CASTOR2: variants seen among roughly 807,000 people sequenced by gnomAD.
CASTOR2 encodes the protein GATS protein like 2.
In CASTOR2, 8 loss-of-function variants were observed where a neutral mutation model predicts 31.2. The observed-to-expected ratio is 0.26, with a 90% confidence interval of 0.15 to 0.46. The LOEUF is 0.46. Ranked by LOEUF, CASTOR2 falls within the 20% of genes least tolerant of loss-of-function variation. CASTOR2 has a pLI of 0.99. For missense variants in CASTOR2, 216 were observed against 382.1 expected (o/e 0.57, Z 3.62); for synonymous variants, 162 against 158.7 (o/e 1.02, Z -0.16).
chr7:75,023,202 G>A (rs1805046434), intron 7 of CASTOR2, among the ~76,000 whole-genome samples: 2 of 152,120 alleles, frequency 1.3e-5, no homozygotes, highest in African/African-American at 4.8e-5. Context: ...CAGCTACTTG[G>A]GAGGCTGAGG....
rs1805233167 is a variant in CASTOR2 at position 75,029,355 on chromosome 7, G to C, written c.*4656G>C. On this transcript the variant is annotated 3_prime_UTR_variant, in exon 9 of 9. Transcript: ENST00000616305. ...GCAAGAGCACCTCAGCCCTGCAATG[G>C]GGGGATCTTTTTTTTTTTTTTTTTT... Among the ~76,000 whole-genome samples the C allele has an allele frequency of 6.7e-6, 1 of 149,360 alleles. No homozygotes were observed. Among genetic ancestry groups the C allele is most frequent in the African/African-American group, 2.5e-5 (1 of 40,334 alleles).
chr7:75,020,182 A>G (rs1236657071), intron 6 of CASTOR2, 33 bp downstream of exon 6: 3 of 1,540,094 alleles, frequency 1.9e-6, no homozygotes, highest in Non-Finnish European at 2.6e-6. Context: ...CGTTCAACCC[A>G]GGGTGGGCCC....
chr7:74,984,422 A>G (rs1458638223), intron 1 of CASTOR2, among the ~76,000 whole-genome samples: 2,130 of 152,164 alleles, frequency 0.014, 57 homozygotes, highest in African/African-American at 0.049. Context: ...GACCCTCGCC[A>G]TGTGACCTAC....
chr7:75,016,935 G>C (rs1804876788), intron 2 of CASTOR2, among the ~76,000 whole-genome samples: 1 of 151,882 alleles, frequency 6.6e-6, no homozygotes, highest in Non-Finnish European at 1.5e-5. Context: ...GGGAGGCCAA[G>C]GCAGGAGGAT....
chr7:75,030,446 C>G lies in CASTOR2; in HGVS notation c.*5747C>G, dbSNP rs1370172559. ...GGGTGGGGCGTCTCTGGTAGGACGGCCTCACCCCACTTGTCAGAACTACTC... is the reference window on the plus strand; with the variant it reads ...GGGTGGGGCGTCTCTGGTAGGACGGGCTCACCCCACTTGTCAGAACTACTC... On this transcript the variant is annotated 3_prime_UTR_variant, in exon 9 of 9. Coordinates refer to ENST00000616305, the MANE Select transcript of CASTOR2 (RefSeq NM_001145064.3). 7.9e-5 allele frequency among the ~76,000 whole-genome samples: 12 copies of G among 152,100 alleles called. No homozygotes were observed. Among genetic ancestry groups the G allele is most frequent in the Admixed American group, 5.2e-4 (8 of 15,264 alleles).
rs587665616 is a variant in CASTOR2 at position 74,988,660 on chromosome 7, G to A, written c.114-19334G>A. Among the ~76,000 whole-genome samples the A allele has an allele frequency of 5.0e-3, 756 of 152,086 alleles. 7 individuals are homozygous for A. The highest frequency in any genetic ancestry group is 0.032 in the South Asian group (156 of 4,814). On this transcript the variant is annotated intron_variant, in intron 1 of 8. Coordinates refer to ENST00000616305, the MANE Select transcript of CASTOR2 (RefSeq NM_001145064.3). Reference sequence around the variant, plus strand: ...TTTGATGACTCAGAATTTTTGGTTCGTGACGTACTTATTGATCCTGCTTTT... The same window carrying A: ...TTTGATGACTCAGAATTTTTGGTTCATGACGTACTTATTGATCCTGCTTTT...
intron 1 of CASTOR2, among the ~76,000 whole-genome samples, chr7:75,006,941 T>C (rs1804620563): frequency 6.6e-6 from 1 of 151,792 alleles, no homozygotes; most frequent in African/African-American, 2.4e-5. Context: ...GGGTATGTGT[T>C]TATTAGCAGC....
intron 1 of CASTOR2, among the ~76,000 whole-genome samples, chr7:74,974,584 CAG>C (rs1426685857): frequency 7.1e-6 from 1 of 141,348 alleles, no homozygotes; most frequent in African/African-American, 2.7e-5. Flanking sequence ...TTTTTTGAGA[CAG>C]GGTCTCACTC....
chr7:74,986,064 A>G (rs1804057170), intron 1 of CASTOR2, among the ~76,000 whole-genome samples: 1 of 152,078 alleles, frequency 6.6e-6, no homozygotes, highest in African/African-American at 2.4e-5. Flanking sequence ...AGTAGCTGCA[A>G]CTACAGGCGC....
intron 1 of CASTOR2, among the ~76,000 whole-genome samples, chr7:74,989,787 A>G (rs1216370411): frequency 2.0e-5 from 3 of 152,092 alleles, no homozygotes; most frequent in Non-Finnish European, 4.4e-5. Flanking sequence ...GTGTGTTTCC[A>G]TGGATTTGAA....
chr7:75,028,058 C>T lies in CASTOR2; in HGVS notation c.*3359C>T, dbSNP rs982335242. 253 of 1,533,608 alleles carry T rather than the reference C, an allele frequency of 1.6e-4. No homozygotes were observed. The highest frequency in any genetic ancestry group is 1.9e-4 in the Middle Eastern group (1 of 5,136). On this transcript the variant is annotated 3_prime_UTR_variant, in exon 9 of 9. Coordinates refer to ENST00000616305, the MANE Select transcript of CASTOR2 (RefSeq NM_001145064.3). ...CAGAGGAGTGGGCCTGTTGTCTTGGCGCTGGCGGATGGGGCAGGTGCCTGG... is the reference window on the plus strand; with the variant it reads ...CAGAGGAGTGGGCCTGTTGTCTTGGTGCTGGCGGATGGGGCAGGTGCCTGG...
At chr7:74,992,567 G>A (rs1804237380) in intron 1 of CASTOR2, among the ~76,000 whole-genome samples, 1 of 152,124 alleles carries the variant, frequency 6.6e-6, no homozygotes, top group Non-Finnish European at 1.5e-5. Flanking sequence ...AGCCTCCAGA[G>A]TAGCTGGGAC....
At position 75,030,646 on chromosome 7, in the gene CASTOR2, T is replaced by G. The variant is rs1210854369; in HGVS notation, c.*5947T>G. Among the ~76,000 whole-genome samples, 1 of 152,162 alleles carries G rather than the reference T, an allele frequency of 6.6e-6. No individual in the cohort carries two copies. Among genetic ancestry groups the G allele is most frequent in the Non-Finnish European group, 1.5e-5 (1 of 68,030 alleles). On this transcript the variant is annotated 3_prime_UTR_variant, in exon 9 of 9. Transcript: ENST00000616305. ...CAGGTGGGCCAACCCACAGGGCTGCTTGAGTGTCTTCACAATATGGCGCTC... is the reference window on the plus strand; with the variant it reads ...CAGGTGGGCCAACCCACAGGGCTGCGTGAGTGTCTTCACAATATGGCGCTC...
intron 1 of CASTOR2, among the ~76,000 whole-genome samples, chr7:75,003,681 C>T (rs1424744012): frequency 4.0e-5 from 6 of 151,524 alleles, no homozygotes; most frequent in South Asian, 4.2e-4. Context: ...ACCCAGGAGG[C>T]GGAGCTTGCA....
chr7:75,008,348 A>G (rs1804651053), intron 2 of CASTOR2, among the ~76,000 whole-genome samples: 1 of 151,998 alleles, frequency 6.6e-6, no homozygotes, highest in East Asian at 1.9e-4. Context: ...GTACGGCGCT[A>G]CCCAGCTGAG....
intron 1 of CASTOR2, among the ~76,000 whole-genome samples, chr7:74,990,254 A>C (rs1455183847): frequency 6.6e-6 from 1 of 151,746 alleles, no homozygotes; most frequent in Non-Finnish European, 1.5e-5. Flanking sequence ...CGGGCATGGT[A>C]GTGGTTGCCT....
chr7:75,009,213 C>T (rs1270632676), intron 2 of CASTOR2, among the ~76,000 whole-genome samples: 4 of 150,726 alleles, frequency 2.7e-5, no homozygotes, highest in Non-Finnish European at 5.9e-5. Flanking sequence ...GCCTCGTCCT[C>T]CCAAAGTGCT....
chr7:74,987,683 G>T (rs1287108207), intron 1 of CASTOR2, among the ~76,000 whole-genome samples: 1 of 152,206 alleles, frequency 6.6e-6, no homozygotes, highest in Non-Finnish European at 1.5e-5. Context: ...AGACTGAGCA[G>T]TGAGAAGGTT....
chr7:75,026,205 T>TTTC lies in CASTOR2; in HGVS notation c.*1507_*1508insTCT, dbSNP rs1805127903. On this transcript the variant is annotated 3_prime_UTR_variant, in exon 9 of 9. Transcript: ENST00000616305. ...CTGGCGGGGGTTTTTTTTTTTTTTT[T>TTTC]TGAGATGGGAGTCTGGCTCTGTTGC... Among the ~76,000 whole-genome samples the TTTC allele has an allele frequency of 1.3e-5, 2 of 149,244 alleles. No individual in the cohort carries two copies. The highest frequency in any genetic ancestry group is 4.9e-5 in the African/African-American group (2 of 40,584).
Sources: allele counts gnomAD v4.1 joint callset (sites outside exome capture counted in the v4.1 genomes callset), GRCh38; gene constraint gnomAD v4.1.1; transcripts MANE v1.5; gene names NCBI Gene and HGNC (gene_info 2026-07-23, HGNC 2026-07-21).